The following CDK14 variants were observed in gnomAD, a reference collection of about 807,000 sequenced individuals.
CDK14 encodes cyclin-dependent kinase 14.
CDK14 carries 34 observed loss-of-function variants against 60.7 expected under a neutral mutation model. The observed-to-expected ratio is 0.56, with a 90% CI of 0.43 to 0.75. The LOEUF is 0.75. CDK14 is among the 30% of genes least tolerant of loss of function. The pLI, the probability that CDK14 is intolerant of heterozygous loss-of-function variation, is 0.00. For synonymous variants in CDK14, 197 were observed against 203.7 expected (o/e 0.97, Z 0.28); for missense variants, 482 against 564.1 (o/e 0.85, Z 1.47).
chr7:91,202,654 C>T (rs1802768217), intron 14 of CDK14, among the ~76,000 whole-genome samples: 1 of 152,140 alleles, frequency 6.6e-6, no homozygotes, highest in Non-Finnish European at 1.5e-5. Flanking sequence ...AAAATTGAAG[C>T]TGATGCTGCT....
chr7:90,782,009 G>A (rs1033321251), intron 4 of CDK14, among the ~76,000 whole-genome samples: 3 of 152,210 alleles, frequency 2.0e-5, no homozygotes, highest in Non-Finnish European at 4.4e-5. Flanking sequence ...ACCTTGGGCA[G>A]TATGGCCATT....
chr7:90,668,703 T>A (rs1228544251), intron 2 of CDK14, among the ~76,000 whole-genome samples: 12 of 16,076 alleles, frequency 7.5e-4, no homozygotes, highest in Non-Finnish European at 1.3e-3. Context: ...CGCATTCTTT[T>A]TTTTTTTTTT....
intron 2 of CDK14, among the ~76,000 whole-genome samples, chr7:90,643,080 G>T (rs1800377992): frequency 6.6e-6 from 1 of 152,196 alleles, no homozygotes; most frequent in Non-Finnish European, 1.5e-5. Flanking sequence ...GGAGGCACCT[G>T]GAGGTTGTGG....
At chr7:91,083,088 A>G (rs919470965) in intron 12 of CDK14, among the ~76,000 whole-genome samples, 1 of 152,082 alleles carries the variant, frequency 6.6e-6, no homozygotes, top group Non-Finnish European at 1.5e-5. Flanking sequence ...TTCTTAAATC[A>G]TCTTTCCCCA....
At chr7:91,103,882 G>C (rs1799214186) in intron 12 of CDK14, among the ~76,000 whole-genome samples, 1 of 151,454 alleles carries the variant, frequency 6.6e-6, no homozygotes, top group African/African-American at 2.4e-5. Flanking sequence ...GTATTGCATG[G>C]ATAAGGACTA....
chr7:90,639,907 G>A (rs1052513030), intron 2 of CDK14, among the ~76,000 whole-genome samples: 11 of 152,254 alleles, frequency 7.2e-5, no homozygotes, highest in East Asian at 3.9e-4. Context: ...CTCCGTGGGC[G>A]TAGGACCCTC....
At chr7:91,103,844 A>AGAGAGAGAGAG (rs1562905796) in intron 12 of CDK14, among the ~76,000 whole-genome samples, 120 of 144,894 alleles carry the variant, frequency 8.3e-4, no homozygotes, top group African/African-American at 2.9e-3. Flanking sequence ...GAGAGAGAGA[A>AGAGAGAGAGAG]AGAGAGAGAG....
intron 2 of CDK14, among the ~76,000 whole-genome samples, chr7:90,647,595 A>G (rs562783442): frequency 7.5e-4 from 114 of 152,214 alleles, no homozygotes; most frequent in African/African-American, 2.6e-3. Flanking sequence ...CTTCATGGGC[A>G]ACTAATTCCT....
intron 4 of CDK14, among the ~76,000 whole-genome samples, chr7:90,785,171 A>G (rs1390675348): frequency 6.6e-6 from 1 of 152,200 alleles, no homozygotes; most frequent in Non-Finnish European, 1.5e-5. Flanking sequence ...AATTTCCCAG[A>G]TTATATTAAA....
intron 2 of CDK14, among the ~76,000 whole-genome samples, chr7:90,613,829 T>A (rs891773435): frequency 1.3e-5 from 2 of 152,080 alleles, no homozygotes; most frequent in Non-Finnish European, 2.9e-5. Context: ...TGACTGGAAT[T>A]TGAGTCATCA....
chr7:91,116,473 C>G (rs1242348476), intron 13 of CDK14, among the ~76,000 whole-genome samples: 1 of 152,162 alleles, frequency 6.6e-6, no homozygotes, highest in East Asian at 1.9e-4. Flanking sequence ...CTCCAGGGAC[C>G]TTTCTAGCTC....
chr7:91,055,488 A>C (rs572975300), intron 11 of CDK14, among the ~76,000 whole-genome samples: 5 of 152,340 alleles, frequency 3.3e-5, no homozygotes, highest in Admixed American at 2.6e-4. Context: ...AAAAAGTAGT[A>C]AGATTAAATT....
intron 4 of CDK14, among the ~76,000 whole-genome samples, chr7:90,790,086 AAG>A (rs1316168656): frequency 2.9e-5 from 4 of 139,878 alleles, no homozygotes; most frequent in Non-Finnish European, 6.1e-5. Flanking sequence ...AAAACAAAAA[AAG>A]GGGAATTTTT....
At chr7:90,831,331 G>A (rs1056604034) in intron 5 of CDK14, among the ~76,000 whole-genome samples, 3 of 152,156 alleles carry the variant, frequency 2.0e-5, no homozygotes, top group Non-Finnish European at 2.9e-5. Context: ...GAGAGAGAAC[G>A]ATGGGTGAGG....
chr7:90,681,453 G>A (rs1801315666), intron 2 of CDK14, among the ~76,000 whole-genome samples: 2 of 152,132 alleles, frequency 1.3e-5, no homozygotes, highest in African/African-American at 4.8e-5. Context: ...CTCATGGGAT[G>A]AACGGGTCCT....
chr7:91,116,981 A>G (rs372188426), intron 13 of CDK14, among the ~76,000 whole-genome samples: 1 of 150,740 alleles, frequency 6.6e-6, no homozygotes, highest in East Asian at 2.0e-4. Context: ...CATGATTTAA[A>G]TATCATCTAT....
intron 3 of CDK14, among the ~76,000 whole-genome samples, chr7:90,736,099 G>A (rs905020327): frequency 6.6e-6 from 1 of 150,734 alleles, no homozygotes; most frequent in Non-Finnish European, 1.5e-5. Context: ...TACCCCTTGC[G>A]CTTCCTGGGC....
At position 91,064,611 on chromosome 7, in the gene CDK14, C is replaced by T. The variant is rs73398984; in HGVS notation, c.1106-14821C>T. Among the ~76,000 whole-genome samples, 1,228 of 152,300 alleles carry T rather than the reference C, an allele frequency of 8.1e-3. 19 individuals are homozygous for T. The highest frequency in any genetic ancestry group is 0.027 in the African/African-American group (1,132 of 41,538). ...GACTGGAGTAGAGTCCTGGTTCAGT[C>T]TCTGTCACTATAGCCCGCATCACAG... On this transcript the variant is annotated intron_variant, in intron 11 of 14. Coordinates refer to ENST00000380050, the MANE Select transcript of CDK14 (RefSeq NM_001287135.2).
intron 2 of CDK14, chr7:90,716,515 A>T (rs916628926): frequency 6.6e-6 from 1 of 152,120 alleles, no homozygotes; most frequent in African/African-American, 2.4e-5. Flanking sequence ...AGACACATAC[A>T]TCTATAAATT....
Sources: gnomAD v4.1 joint callset for allele counts (sites outside exome capture counted in the v4.1 genomes callset) on GRCh38, gnomAD v4.1.1 for gene constraint, MANE v1.5 for transcripts, NCBI Gene and HGNC (gene_info 2026-07-23, HGNC 2026-07-21) for gene names.